Variants in ZNF697 observed in about 807,000 individuals in gnomAD.
ZNF697 encodes zinc finger protein 697.
ZNF697 carries 23 observed loss-of-function variants against 32.4 expected under a neutral mutation model. That is an observed-to-expected ratio of 0.71 (90% CI 0.51 to 1.01). ZNF697 has a LOEUF of 1.01. ZNF697 is among the 50% of genes least tolerant of loss of function. The pLI is 0.00. For synonymous variants in ZNF697, 418 were observed against 337.2 expected (o/e 1.24, Z -2.62); for missense variants, 930 against 794.0 (o/e 1.17, Z -2.06).
At position 119,623,952 on chromosome 1, in the gene ZNF697, C is replaced by T; in HGVS notation, c.391G>A (p.Glu131Lys). 3.7e-6 allele frequency: 6 copies of T among 1,602,132 alleles called. No homozygotes were observed. The highest frequency in any genetic ancestry group is 5.1e-6 in the Non-Finnish European group (6 of 1,174,560). Residue 131 changes from glutamate (E) to lysine (K), a missense_variant, in exon 3 of 3, where the codon GAG (glutamate) becomes AAG (lysine). Glu to Lys is a moderately conservative substitution (Grantham distance 56). Coordinates refer to ENST00000421812, the MANE Select transcript of ZNF697 (RefSeq NM_001080470.2). ...GGAGGGGCCGGCTGCTCCTCTTCCT[C>T]CTCCAGCCGGTTCTCCCCAGCACTC... is the stretch of plus-strand genomic sequence containing the variant. ...DESAGENRLEEEEEQPAPPVL... is the reference protein window; with the variant it reads ...DESAGENRLEKEEEQPAPPVL...
In ZNF697 at chr1:119,647,881, G is replaced by A. The variant is rs587700520; in HGVS notation, c.-228C>T. Reference sequence around the variant, plus strand: ...CTCAGTCCTGGCTTTGGGGGCGCGAGAGCACCCCATAAGCCCGGGGCCCTG... The same window carrying A: ...CTCAGTCCTGGCTTTGGGGGCGCGAAAGCACCCCATAAGCCCGGGGCCCTG... On this transcript the variant is annotated 5_prime_UTR_variant, in exon 1 of 3. Transcript: ENST00000421812. 1 of 152,406 alleles carries A rather than the reference G, an allele frequency of 6.6e-6. No homozygotes were observed. The highest frequency in any genetic ancestry group is 1.9e-4 in the East Asian group (1 of 5,170). 9.4% of individuals were successfully genotyped at this position (152,406 alleles called of 1,614,324 possible).
At position 119,647,977 on chromosome 1, in the gene ZNF697, C is replaced by G. The variant is rs1275342421; in HGVS notation, c.-324G>C. On this transcript the variant is annotated 5_prime_UTR_variant, in exon 1 of 3. Transcript: ENST00000421812. ...CGCCCAGCCGTTCCGCCACCGCACT[C>G]GAACACACACCCCATCCCCGCAGCG... Among the ~76,000 whole-genome samples, 1 of 152,192 alleles carries G rather than the reference C, an allele frequency of 6.6e-6. No homozygotes were observed. The highest frequency in any genetic ancestry group is 1.5e-5 in the Non-Finnish European group (1 of 68,026).
At position 119,648,152 on chromosome 1, in the gene ZNF697, T is replaced by TGCGGCG. The variant is rs921465724; in HGVS notation, c.-505_-500dup. Among the ~76,000 whole-genome samples the TGCGGCG allele has an allele frequency of 6.6e-6, 1 of 151,604 alleles. No homozygotes were observed. Among genetic ancestry groups the TGCGGCG allele is most frequent in the African/African-American group, 2.4e-5 (1 of 41,296 alleles). Reference sequence around the variant, plus strand: ...CCGCACCGCAGCGCGTCTGCCCTTGTGCGGCGGCGGCGGCTGCAGCGGCCG... The same window carrying TGCGGCG: ...CCGCACCGCAGCGCGTCTGCCCTTGTGCGGCGGCGGCGGCGGCGGCTGCAGCGGCCG... On this transcript the variant is annotated 5_prime_UTR_variant, in exon 1 of 3. Transcript: ENST00000421812.
intron 1 of ZNF697, among the ~76,000 whole-genome samples, chr1:119,643,710 T>G (rs79739879): frequency 3.3e-5 from 5 of 152,134 alleles, no homozygotes; most frequent in East Asian, 3.9e-4. Context: ...TCTGAGAGAT[T>G]TGGCATGACA....
At chr1:119,630,786 C>G (rs762632265) in intron 1 of ZNF697, among the ~76,000 whole-genome samples, 1 of 151,990 alleles carries the variant, frequency 6.6e-6, no homozygotes, top group Non-Finnish European at 1.5e-5. Context: ...CACTGGAGCC[C>G]AGGAGTTCCA....
At chr1:119,625,613 G>C (rs1021964939) in intron 2 of ZNF697, among the ~76,000 whole-genome samples, 1 of 152,198 alleles carries the variant, frequency 6.6e-6, no homozygotes, top group Non-Finnish European at 1.5e-5. Context: ...TGTTCCAGGG[G>C]TTAATTTATA....
intron 1 of ZNF697, among the ~76,000 whole-genome samples, chr1:119,644,442 C>G (rs939699562): frequency 3.3e-5 from 5 of 152,172 alleles, no homozygotes; most frequent in African/African-American, 1.2e-4. Context: ...GGTAGGAAAT[C>G]TGGGAAGTGG....
rs1217888867 is a variant in ZNF697, at chr1:119,623,782, C to A, written c.561G>T (p.Ala187=). 6.5e-7 allele frequency: 1 copy of A among 1,545,190 alleles called. No homozygotes were observed. The highest frequency in any genetic ancestry group is 8.7e-7 in the Non-Finnish European group (1 of 1,146,238). The change falls in exon 3 of 3, where the codon GCG becomes GCT. Residue 187 remains alanine (A), a synonymous_variant. Coordinates refer to ENST00000421812, the MANE Select transcript of ZNF697 (RefSeq NM_001080470.2). ...CCCCGCAGTCGGGGCAGATGGTGGGCGCGTCCATGATGCTGGCCACCAGGC... is the reference window on the plus strand; with the variant it reads ...CCCCGCAGTCGGGGCAGATGGTGGGAGCGTCCATGATGCTGGCCACCAGGC... ...LDSLVASIMD[A]PTICPDCGES... is the part of the protein sequence containing the mutation.
chr1:119,624,060 A>G lies in ZNF697; in HGVS notation c.283T>C (p.Ser95Pro), dbSNP rs1201779107. The G allele has an allele frequency of 9.3e-6, 15 of 1,607,422 alleles. No individual in the cohort carries two copies. The East Asian group carries it at 3.1e-4, about 34-fold the overall frequency. The change falls in exon 3 of 3, where the codon TCC (serine) becomes CCC (proline). Residue 95 changes from serine (S) to proline (P), a missense_variant. Ser to Pro is a moderately conservative substitution (Grantham distance 74). Coordinates refer to ENST00000421812, the MANE Select transcript of ZNF697 (RefSeq NM_001080470.2). ...AACATCGCCATGTCAGCTACACCGG[A>G]TTGGTCATCCTCTTCCCCACGGACA... ...VSVRGEEDDQ[S>P]GVADMAMFPG...
Position 119,623,608 on chromosome 1 carries a change from G to GCCCCCCCCCCCCCC in ZNF697, c.734_735insGGGGGGGGGGGGGG (p.Phe246GlyfsTer36). On this transcript the variant is annotated frameshift_variant, in exon 3 of 3. Coordinates refer to ENST00000421812, the MANE Select transcript of ZNF697 (RefSeq NM_001080470.2). LOFTEE classifies it high-confidence loss of function. ...GGGCCAGCGGGGGCCCGGCCCCGAA[G>GCCCCCCCCCCCCCC]CCCCCCGCCACACCCACCCCCATCA... 1 of 1,416,198 alleles carries GCCCCCCCCCCCCCC rather than the reference G, an allele frequency of 7.1e-7. No individual in the cohort carries two copies. The highest frequency in any genetic ancestry group is 1.5e-5 in the African/African-American group (1 of 65,256). 87.7% of individuals were successfully genotyped at this position (1,416,198 alleles called of 1,614,324 possible).
chr1:119,626,157 A>G lies in ZNF697; in HGVS notation c.-37-20T>C. 6.2e-7 allele frequency: 1 copy of G among 1,609,056 alleles called. No homozygotes were observed. Among genetic ancestry groups the G allele is most frequent in the Non-Finnish European group, 8.5e-7 (1 of 1,177,664 alleles). ...GAATCCCTGCTCCAGAAAAACACAA[A>G]GAAAGGTCACGTCAGTCCGGTCTCA... On this transcript the variant is annotated intron_variant, in intron 1 of 2. Coordinates refer to ENST00000421812, the MANE Select transcript of ZNF697 (RefSeq NM_001080470.2).
intron 1 of ZNF697, among the ~76,000 whole-genome samples, chr1:119,643,712 G>C (rs1343698222): frequency 6.6e-6 from 1 of 151,994 alleles, no homozygotes; most frequent in African/African-American, 2.4e-5. Context: ...TGAGAGATTT[G>C]GCATGACAGC....
rs587734493 is a variant in ZNF697 at position 119,648,202 on chromosome 1, T to TTGGC, written c.-553_-550dup. Among the ~76,000 whole-genome samples, 35,944 of 150,300 alleles carry TTGGC rather than the reference T, an allele frequency of 0.24. 4,368 individuals are homozygous for TTGGC. The highest frequency in any genetic ancestry group is 0.39 in the East Asian group (1,957 of 5,010). On this transcript the variant is annotated 5_prime_UTR_variant, in exon 1 of 3. Transcript: ENST00000421812. Reference sequence around the variant, plus strand: ...GCTGGGTGGCCCGCTGGCTGGCTGGTTGGCTGGCTGGCTGGCTGGCTGGCT... The same window carrying TTGGC: ...GCTGGGTGGCCCGCTGGCTGGCTGGTTGGCTGGCTGGCTGGCTGGCTGGCTGGCT...
In ZNF697 at chr1:119,622,461, G is replaced by C. The variant is rs908357127; in HGVS notation, c.*244C>G. 3.1e-6 allele frequency: 2 copies of C among 643,372 alleles called. No individual in the cohort carries two copies. The highest frequency in any genetic ancestry group is 3.7e-5 in the African/African-American group (2 of 53,736). 39.9% of individuals were successfully genotyped at this position (643,372 alleles called of 1,614,324 possible). A position where few individuals can be genotyped will look rare whatever the true frequency, so the allele number is the denominator to read the frequency against. ...TTCACCCCCTACAGCGTGTATTTAA[G>C]GAAGTCATCACCCCAAGCGCATCTC... On this transcript the variant is annotated 3_prime_UTR_variant, in exon 3 of 3. Transcript: ENST00000421812.
intron 2 of ZNF697, 46 bp downstream of exon 2, chr1:119,625,829 A>G (rs775178582): frequency 2.5e-5 from 40 of 1,602,956 alleles, no homozygotes; most frequent in Non-Finnish European, 3.2e-5. Context: ...GCTAGAAGTA[A>G]GTGTAACTTT....
intron 1 of ZNF697, among the ~76,000 whole-genome samples, chr1:119,626,566 T>C (rs1187964703): frequency 6.6e-6 from 1 of 152,234 alleles, no homozygotes; most frequent in Non-Finnish European, 1.5e-5. Flanking sequence ...GTTCCATGCT[T>C]TTCATACTCT....
At chr1:119,627,675 A>G (rs1648633909) in intron 1 of ZNF697, among the ~76,000 whole-genome samples, 1 of 152,110 alleles carries the variant, frequency 6.6e-6, no homozygotes, top group Admixed American at 6.5e-5. Flanking sequence ...CGCTCCCTCA[A>G]TTGGAACATC....
chr1:119,644,353 A>G (rs1327754849), intron 1 of ZNF697, among the ~76,000 whole-genome samples: 1 of 152,246 alleles, frequency 6.6e-6, no homozygotes, highest in East Asian at 1.9e-4. Flanking sequence ...TTAAGGACAT[A>G]AAAATAACAG....
intron 1 of ZNF697, among the ~76,000 whole-genome samples, chr1:119,635,619 T>C (rs913158448): frequency 6.6e-6 from 1 of 152,178 alleles, no homozygotes; most frequent in Non-Finnish European, 1.5e-5. Context: ...ACAGACAAAC[T>C]AATGAAAGGA....
Sources: allele counts gnomAD v4.1 joint callset (sites outside exome capture counted in the v4.1 genomes callset), GRCh38; gene constraint gnomAD v4.1.1; transcripts MANE v1.5; gene names NCBI Gene and HGNC (gene_info 2026-07-23, HGNC 2026-07-21).